Variants in KCNJ6 observed in about 807,000 individuals in gnomAD.
The protein encoded by KCNJ6 is G protein-activated inward rectifier potassium channel 2.
In KCNJ6, 9 loss-of-function variants were observed where a neutral mutation model predicts 34.2. That is an observed-to-expected ratio of 0.26 (90% confidence interval 0.16 to 0.46). The LOEUF (loss-of-function observed/expected upper bound fraction) is 0.46, where lower values mean the gene tolerates loss of function less well. KCNJ6 is among the 20% of genes least tolerant of loss of function. The pLI, the probability that KCNJ6 is intolerant of heterozygous loss-of-function variation, is 1.00. For synonymous variants in KCNJ6, 196 were observed against 207.1 expected, an observed-to-expected ratio of 0.95 and a Z score of 0.46; for missense variants, 236 against 531.3, an observed-to-expected ratio of 0.44 and a Z score of 5.46.
chr21:37,703,100 AAAG>A (rs1162415925), intron 3 of KCNJ6, among the ~76,000 whole-genome samples: 1 of 152,216 alleles, frequency 6.6e-6, no homozygotes, highest in Non-Finnish European at 1.5e-5. Flanking sequence ...CATGGCACCA[AAAG>A]AAGTATAGTT....
At chr21:37,680,723 T>C (rs1020270359) in intron 3 of KCNJ6, among the ~76,000 whole-genome samples, 3 of 152,194 alleles carry the variant, frequency 2.0e-5, no homozygotes, top group African/African-American at 4.8e-5. Context: ...CATCATTAGC[T>C]TTCCTGGGTC....
chr21:37,756,308 C>T (rs573700663), intron 2 of KCNJ6, among the ~76,000 whole-genome samples: 1 of 152,314 alleles, frequency 6.6e-6, no homozygotes, highest in Non-Finnish European at 1.5e-5. Context: ...CTGGATATTC[C>T]TTTATGATAA....
intron 1 of KCNJ6, among the ~76,000 whole-genome samples, chr21:37,881,819 C>T (rs1476919196): frequency 6.6e-6 from 1 of 152,152 alleles, no homozygotes; most frequent in African/African-American, 2.4e-5. Context: ...TCATATAAAC[C>T]TTGTGGGGAC....
At chr21:37,765,280 A>G (rs559066109) in intron 2 of KCNJ6, among the ~76,000 whole-genome samples, 75 of 152,290 alleles carry the variant, frequency 4.9e-4, no homozygotes, top group African/African-American at 1.8e-3. Context: ...GAAATTGGCC[A>G]TGGTGGGATA....
intron 1 of KCNJ6, among the ~76,000 whole-genome samples, chr21:37,868,187 A>G (rs1447429582): frequency 1.3e-5 from 2 of 152,230 alleles, no homozygotes; most frequent in African/African-American, 4.8e-5. Flanking sequence ...CACTTTGCAA[A>G]CAATGCAATA....
intron 1 of KCNJ6, among the ~76,000 whole-genome samples, chr21:37,854,680 T>C (rs1030472149): frequency 1.3e-5 from 2 of 152,206 alleles, no homozygotes; most frequent in African/African-American, 4.8e-5. Context: ...ATGTTTGAGG[T>C]GATGGATATC....
At chr21:37,656,483 C>T (rs1470740801) in intron 3 of KCNJ6, among the ~76,000 whole-genome samples, 2 of 152,128 alleles carry the variant, frequency 1.3e-5, no homozygotes, top group Admixed American at 1.3e-4. Context: ...AGCATGGTGG[C>T]CCCCCACCCA....
intron 2 of KCNJ6, among the ~76,000 whole-genome samples, chr21:37,736,348 T>G (rs1006279257): frequency 1.3e-5 from 2 of 152,200 alleles, no homozygotes; most frequent in African/African-American, 4.8e-5. Context: ...TCTTAAACAC[T>G]GTTTTGGAGT....
In KCNJ6 at chr21:37,642,350, G is replaced by T. The variant is rs1469762605; in HGVS notation, c.947-16866C>A. 2.0e-5 allele frequency among the ~76,000 whole-genome samples: 3 copies of T among 152,282 alleles called. No individual in the cohort carries two copies. The South Asian group carries it at 6.2e-4, about 32-fold the overall frequency. ...GATGTTGAAAGAGAGAGGCTGGAGA[G>T]GCAGTAGAAGATCCGGAGAGCAAAG... On this transcript the variant is annotated intron_variant, in intron 3 of 3. Transcript: ENST00000609713.
intron 2 of KCNJ6, among the ~76,000 whole-genome samples, chr21:37,836,694 A>T (rs568189890): frequency 2.0e-5 from 3 of 152,256 alleles, no homozygotes; most frequent in African/African-American, 7.2e-5. Context: ...AACAATGAGA[A>T]CACATGGGCA....
intron 2 of KCNJ6, among the ~76,000 whole-genome samples, chr21:37,747,810 A>G (rs920740937): frequency 2.0e-5 from 3 of 152,180 alleles, no homozygotes; most frequent in Admixed American, 1.3e-4. Flanking sequence ...CCTGCTGAAA[A>G]CAATTTTAAC....
chr21:37,725,226 C>T (rs571788202), intron 2 of KCNJ6, among the ~76,000 whole-genome samples: 146 of 152,216 alleles, frequency 9.6e-4, no homozygotes, highest in Middle Eastern at 3.4e-3. Context: ...AACCCTGTCT[C>T]TATTAAAAAT....
At chr21:37,861,330 G>A (rs1337472522) in intron 1 of KCNJ6, among the ~76,000 whole-genome samples, 1 of 152,152 alleles carries the variant, frequency 6.6e-6, no homozygotes, top group Non-Finnish European at 1.5e-5. Flanking sequence ...GCTTGGGGAT[G>A]GCGTCTTCTC....
intron 1 of KCNJ6, among the ~76,000 whole-genome samples, chr21:37,885,789 C>A (rs2055732534): frequency 6.6e-6 from 1 of 152,226 alleles, no homozygotes; most frequent in Admixed American, 6.5e-5. Flanking sequence ...GGGCAAAGCC[C>A]AGCCAAGCCT....
chr21:37,686,484 T>TTTCA (rs756302881), intron 3 of KCNJ6, among the ~76,000 whole-genome samples: 1 of 96,178 alleles, frequency 1.0e-5, no homozygotes, highest in Non-Finnish European at 1.9e-5. Context: ...TTTTTTTTTT[T>TTTCA]GGAGATGGAG....
chr21:37,679,607 G>C (rs1172177450), intron 3 of KCNJ6, among the ~76,000 whole-genome samples: 8 of 152,244 alleles, frequency 5.3e-5, no homozygotes, highest in African/African-American at 1.9e-4. Context: ...AGTGCTTGCT[G>C]AATGAAGGAA....
At chr21:37,703,234 A>G (rs1199566704) in intron 3 of KCNJ6, among the ~76,000 whole-genome samples, 1 of 152,160 alleles carries the variant, frequency 6.6e-6, no homozygotes, top group Non-Finnish European at 1.5e-5. Flanking sequence ...TTGTAGTCCA[A>G]AAGTCTTTGA....
chr21:37,717,706 G>A (rs958942633), intron 2 of KCNJ6, among the ~76,000 whole-genome samples: 1 of 152,226 alleles, frequency 6.6e-6, no homozygotes, highest in Admixed American at 6.5e-5. Flanking sequence ...CAGCAGGCCT[G>A]GTGTATATCC....
chr21:37,679,484 A>G (rs724491), intron 3 of KCNJ6, among the ~76,000 whole-genome samples: 149,065 of 152,386 alleles, frequency 0.98, 72,942 homozygotes, highest in East Asian at 1. Context: ...TACGTGTGAA[A>G]CACTTAGAAC....
Sources: allele counts gnomAD v4.1 joint callset (sites outside exome capture counted in the v4.1 genomes callset), GRCh38; gene constraint gnomAD v4.1.1; transcripts MANE v1.5; gene names NCBI Gene and HGNC (gene_info 2026-07-23, HGNC 2026-07-21).